UBE2E3: variants seen among roughly 807,000 people sequenced by gnomAD.
The protein encoded by UBE2E3 is ubiquitin conjugating enzyme E2 E3.
UBE2E3 carries 5 observed loss-of-function variants against 23.6 expected under a neutral mutation model. The observed-to-expected ratio is 0.21, with a 90% CI of 0.11 to 0.44. The LOEUF (loss-of-function observed/expected upper bound fraction) is 0.44, where lower values mean the gene tolerates loss of function less well. Among genes scored for constraint, UBE2E3 ranks in the 20% least tolerant of loss-of-function variants. The probability of loss-of-function intolerance (pLI) is 0.99; values close to 1 mark genes in which losing one functional copy is unlikely to be tolerated. For synonymous variants in UBE2E3, 78 were observed against 87.5 expected, an observed-to-expected ratio of 0.89 and a Z score of 0.60; for missense variants, 81 against 249.8, an observed-to-expected ratio of 0.32 and a Z score of 4.55.
At chr2:181,028,448 A>G (rs868627724) in intron 3 of UBE2E3, among the ~76,000 whole-genome samples, 22 of 152,224 alleles carry the variant, frequency 1.4e-4, no homozygotes, top group Admixed American at 8.5e-4. Context: ...TGAGTCTCAC[A>G]GAGAACGTGC....
chr2:181,043,156 T>C (rs923913222), intron 3 of UBE2E3, among the ~76,000 whole-genome samples: 17 of 152,220 alleles, frequency 1.1e-4, no homozygotes, highest in African/African-American at 4.1e-4. Flanking sequence ...CTCCAAGACG[T>C]GAAACTTTTT....
At chr2:180,989,782 T>A (rs1684599452) in intron 3 of UBE2E3, 2 of 1,273,632 alleles carry the variant, frequency 1.6e-6, no homozygotes, top group East Asian at 5.3e-5. Flanking sequence ...CGCAGCTACA[T>A]GCTCACATAA....
chr2:180,994,016 G>A (rs1684754889), intron 3 of UBE2E3, among the ~76,000 whole-genome samples: 1 of 152,102 alleles, frequency 6.6e-6, no homozygotes, highest in African/African-American at 2.4e-5. Flanking sequence ...GGCTTTGAAC[G>A]CAAACTCAGA....
chr2:181,060,022 G>A (rs912829517), intron 4 of UBE2E3, among the ~76,000 whole-genome samples: 2 of 151,282 alleles, frequency 1.3e-5, no homozygotes, highest in Non-Finnish European at 3.0e-5. Flanking sequence ...CACATTTCAG[G>A]GATATATTAG....
chr2:180,985,412 A>G (rs373457867), intron 3 of UBE2E3, among the ~76,000 whole-genome samples: 2 of 152,260 alleles, frequency 1.3e-5, no homozygotes, highest in Non-Finnish European at 2.9e-5. Flanking sequence ...AGGATGTATA[A>G]TACTGCATTG....
intron 3 of UBE2E3, among the ~76,000 whole-genome samples, chr2:181,038,592 T>C (rs1686374696): frequency 6.6e-6 from 1 of 152,012 alleles, no homozygotes. Flanking sequence ...AAGCAAGAAA[T>C]AAAATAATTG....
intron 3 of UBE2E3, among the ~76,000 whole-genome samples, chr2:181,039,506 C>T (rs1333306078): frequency 6.6e-6 from 1 of 152,088 alleles, no homozygotes; most frequent in Non-Finnish European, 1.5e-5. Flanking sequence ...TGTGGTGGCT[C>T]ACGCCTGTAA....
chr2:181,001,233 T>A (rs978199753), intron 3 of UBE2E3, among the ~76,000 whole-genome samples: 1 of 152,218 alleles, frequency 6.6e-6, no homozygotes, highest in Non-Finnish European at 1.5e-5. Flanking sequence ...GTTACTACAT[T>A]TAATGTAAAT....
At chr2:181,008,736 T>G (rs1685227517) in intron 3 of UBE2E3, among the ~76,000 whole-genome samples, 1 of 152,186 alleles carries the variant, frequency 6.6e-6, no homozygotes, top group Non-Finnish European at 1.5e-5. Context: ...TTAGAGCAGG[T>G]CAGAGAGCAC....
intron 3 of UBE2E3, among the ~76,000 whole-genome samples, chr2:180,989,546 TACTC>T (rs1207433104): frequency 6.6e-6 from 1 of 152,160 alleles, no homozygotes; most frequent in African/African-American, 2.4e-5. Context: ...AGGAAATTGA[TACTC>T]ACAGTAGGCC....
At chr2:181,003,552 G>A (rs1465714725) in intron 3 of UBE2E3, among the ~76,000 whole-genome samples, 1 of 152,144 alleles carries the variant, frequency 6.6e-6, no homozygotes, top group Non-Finnish European at 1.5e-5. Flanking sequence ...GTTAGTTTCT[G>A]GATTTTTGGA....
intron 3 of UBE2E3, among the ~76,000 whole-genome samples, chr2:180,997,217 T>C (rs1356590295): frequency 6.6e-6 from 1 of 152,008 alleles, no homozygotes; most frequent in African/African-American, 2.4e-5. Context: ...CTACTTATTA[T>C]CCACTATCCA....
intron 3 of UBE2E3, among the ~76,000 whole-genome samples, chr2:181,036,218 A>T (rs969203501): frequency 2.0e-5 from 3 of 152,212 alleles, no homozygotes; most frequent in Non-Finnish European, 4.4e-5. Flanking sequence ...TGGGTTGGGC[A>T]TATAGATCAG....
At chr2:181,029,659 C>CTTTTTTTTTTTTTTTTTTTTATTT (rs1686011384) in intron 3 of UBE2E3, among the ~76,000 whole-genome samples, 2 of 116,842 alleles carry the variant, frequency 1.7e-5, no homozygotes, top group Non-Finnish European at 3.5e-5. Flanking sequence ...TGTAGACAAT[C>CTTTTTTTTTTTTTTTTTTTTATTT]TTTTTTTTTT....
rs1200733839 is a variant in UBE2E3 at position 180,982,054 on chromosome 2, T to C, written c.12T>C (p.Asp4=). 6 of 1,603,392 alleles carry C rather than the reference T, an allele frequency of 3.7e-6. No homozygotes were observed. Among genetic ancestry groups the C allele is most frequent in the Non-Finnish European group, 5.1e-6 (6 of 1,176,804 alleles). MSS[D]RQRSDDESPS... The stretch of plus-strand genomic sequence containing the variant: ...ATAACTTCACCAAGATGTCCAGTGA[T>C]AGGCAAAGGTCCGATGATGAGAGCC... The change falls in exon 2 of 6, where the codon GAT becomes GAC. Residue 4 remains aspartate, a synonymous_variant. Coordinates refer to ENST00000410062, the MANE Select transcript of UBE2E3 (RefSeq NM_006357.4).
At chr2:181,018,929 G>T (rs1025692989) in intron 3 of UBE2E3, among the ~76,000 whole-genome samples, 2 of 152,064 alleles carry the variant, frequency 1.3e-5, no homozygotes, top group African/African-American at 4.8e-5. Flanking sequence ...AAGTAAGGAA[G>T]TTGGAAATAC....
intron 3 of UBE2E3, among the ~76,000 whole-genome samples, chr2:181,025,394 ATAT>A (rs72087820): frequency 0.32 from 35,198 of 110,884 alleles, 4,448 homozygotes; most frequent in Non-Finnish European, 0.34. Context: ...GTCATTGAAG[ATAT>A]TATCTATTTT....
chr2:180,994,699 G>A (rs1288173554), intron 3 of UBE2E3, among the ~76,000 whole-genome samples: 2 of 152,144 alleles, frequency 1.3e-5, no homozygotes, highest in Non-Finnish European at 1.5e-5. Context: ...AAATGTATTG[G>A]AAAAATATTT....
chr2:181,018,554 C>G (rs1394401559), intron 3 of UBE2E3, among the ~76,000 whole-genome samples: 2 of 149,908 alleles, frequency 1.3e-5, no homozygotes, highest in African/African-American at 4.9e-5. Context: ...AAAACTGTGC[C>G]CTTTTTATTT....
Sources: allele counts gnomAD v4.1 joint callset (sites outside exome capture counted in the v4.1 genomes callset), GRCh38; gene constraint gnomAD v4.1.1; transcripts MANE v1.5; gene names NCBI Gene and HGNC (gene_info 2026-07-23, HGNC 2026-07-21).